FBXL13: variants seen among roughly 807,000 people sequenced by gnomAD.
FBXL13 encodes the protein F-box and leucine rich repeat protein 13.
FBXL13 carries 67 observed loss-of-function variants against 83.6 expected under a neutral mutation model. The observed-to-expected ratio is 0.80, with a 90% confidence interval of 0.66 to 0.98. The LOEUF (loss-of-function observed/expected upper bound fraction) is 0.98, where lower values mean the gene tolerates loss of function less well. Ranked by LOEUF, FBXL13 falls within the 50% of genes least tolerant of loss-of-function variation. The pLI, the probability that FBXL13 is intolerant of heterozygous loss-of-function variation, is 0.00. For missense variants in FBXL13, 822 were observed against 866.5 expected (o/e 0.95, Z 0.64); for synonymous variants, 272 against 299.5 (o/e 0.91, Z 0.95).
chr7:102,836,164 A>G (rs1450388934), intron 17 of FBXL13, among the ~76,000 whole-genome samples: 2 of 152,192 alleles, frequency 1.3e-5, no homozygotes, highest in African/African-American at 2.4e-5. Flanking sequence ...ATATTCTTTA[A>G]AGACAAATGT....
intron 16 of FBXL13, among the ~76,000 whole-genome samples, chr7:102,858,451 C>A (rs1213985876): frequency 6.6e-6 from 1 of 151,942 alleles, no homozygotes; most frequent in Admixed American, 6.6e-5. Context: ...GCTCACAACA[C>A]AAAGAAAATG....
chr7:103,024,829 ATGTG>A lies in FBXL13; in HGVS notation c.495+230_495+233del, dbSNP rs1202383471. Among the ~76,000 whole-genome samples, 13 of 128,044 alleles carry A rather than the reference ATGTG, an allele frequency of 1.0e-4. No homozygotes were observed. The East Asian group carries it at 1.4e-3, about 14-fold the overall frequency. The allele number at this position is 128,044 out of a possible 152,430, so 84.0% of individuals were successfully genotyped here. On this transcript the variant is annotated intron_variant, in intron 6 of 19. Transcript: ENST00000313221. The stretch of plus-strand genomic sequence containing the variant: ...TATACATACATATATATGTATATAT[ATGTG>A]TATATATATATATATATATATATAT...
At chr7:102,825,574 A>C (rs918154975) in intron 18 of FBXL13, among the ~76,000 whole-genome samples, 4 of 152,214 alleles carry the variant, frequency 2.6e-5, no homozygotes, top group African/African-American at 7.2e-5. Context: ...AAACGGACTA[A>C]GACAGGGTAT....
chr7:102,865,556 T>G (rs1283683088), intron 16 of FBXL13, among the ~76,000 whole-genome samples: 1 of 152,198 alleles, frequency 6.6e-6, no homozygotes, highest in Non-Finnish European at 1.5e-5. Context: ...TTTTTGTTTT[T>G]GTTTGAGACG....
intron 6 of FBXL13, among the ~76,000 whole-genome samples, chr7:103,008,357 C>A (rs987769968): frequency 5.9e-5 from 9 of 152,062 alleles, no homozygotes; most frequent in African/African-American, 1.9e-4. Flanking sequence ...ACTGAAGACA[C>A]CTGAATTGGG....
intron 6 of FBXL13, among the ~76,000 whole-genome samples, chr7:102,969,795 C>T (rs559920244): frequency 1.8e-4 from 20 of 110,248 alleles, no homozygotes; most frequent in African/African-American, 7.2e-4. Flanking sequence ...AAGACTCTGT[C>T]CAAAAAGGGG....
rs1563055096 is a variant in FBXL13 at position 102,893,956 on chromosome 7, AAGAAAG to A, written c.1009-9650_1009-9645del. Among the ~76,000 whole-genome samples, 547 of 94,118 alleles carry A rather than the reference AAGAAAG, an allele frequency of 5.8e-3. 5 individuals are homozygous for A. The highest frequency in any genetic ancestry group is 0.03 in the African/African-American group (540 of 18,090). The allele number at this position is 94,118 out of a possible 152,430, so 61.7% of individuals were successfully genotyped here. On this transcript the variant is annotated intron_variant, in intron 11 of 19. Transcript: ENST00000313221. ...ACAGAGAAAGAGAAAGAAAGAAAGA[AAGAAAG>A]AGAGAAAGAAAGAAAGAAAGAGGAA...
At chr7:103,039,643 T>C (rs151067697) in intron 2 of FBXL13, among the ~76,000 whole-genome samples, 1,671 of 152,222 alleles carry the variant, frequency 0.011, 35 homozygotes, top group African/African-American at 0.039. Flanking sequence ...GGAAACCTTA[T>C]AAGCCAGAAG....
intron 6 of FBXL13, among the ~76,000 whole-genome samples, chr7:103,005,769 AT>A (rs1790925467): frequency 6.6e-6 from 1 of 152,148 alleles, no homozygotes; most frequent in South Asian, 2.1e-4. Context: ...AATATAGTAC[AT>A]TGAGGACCAG....
chr7:102,856,179 A>G (rs1806025919), intron 16 of FBXL13, among the ~76,000 whole-genome samples: 1 of 152,224 alleles, frequency 6.6e-6, no homozygotes, highest in African/African-American at 2.4e-5. Context: ...TGCTAGGAAC[A>G]CATTATGTTT....
chr7:103,016,836 A>G (rs1792405109), intron 6 of FBXL13, among the ~76,000 whole-genome samples: 1 of 152,180 alleles, frequency 6.6e-6, no homozygotes, highest in Admixed American at 6.5e-5. Context: ...GGAAGCTCGA[A>G]CTGGGTAGAG....
At chr7:102,912,673 C>CA (rs1011068971) in intron 11 of FBXL13, among the ~76,000 whole-genome samples, 3 of 73,862 alleles carry the variant, frequency 4.1e-5, no homozygotes, top group African/African-American at 2.4e-4. Context: ...AGCATTTTAC[C>CA]CCCCCCCCCC....
At chr7:102,883,310 A>C in exon 14 of FBXL13, 1 of 1,611,128 alleles carries the variant, frequency 6.2e-7, no homozygotes. Context: ...ATTACCTTAC[A>C]CAATTTGCCA....
intron 6 of FBXL13, among the ~76,000 whole-genome samples, chr7:103,016,554 G>A (rs1792350883): frequency 6.6e-6 from 1 of 152,084 alleles, no homozygotes; most frequent in South Asian, 2.1e-4. Flanking sequence ...AGCATAAGGG[G>A]TCAGGGAATT....
chr7:102,815,266 A>G (rs554372261), intron 19 of FBXL13, among the ~76,000 whole-genome samples: 5 of 152,186 alleles, frequency 3.3e-5, no homozygotes, highest in Admixed American at 2.0e-4. Context: ...TTTCTATTAC[A>G]TAGCTTCAGG....
At chr7:103,015,614 T>G (rs1486507654) in intron 6 of FBXL13, among the ~76,000 whole-genome samples, 1 of 151,990 alleles carries the variant, frequency 6.6e-6, no homozygotes, top group Non-Finnish European at 1.5e-5. Flanking sequence ...CTGGCCAATA[T>G]AGCTAAACCC....
chr7:102,831,431 A>ACACACACACC (rs1033135095), intron 18 of FBXL13, among the ~76,000 whole-genome samples: 6 of 147,126 alleles, frequency 4.1e-5, no homozygotes, highest in African/African-American at 1.0e-4. Context: ...ACACACACAC[A>ACACACACACC]CCCCACTACA....
intron 16 of FBXL13, among the ~76,000 whole-genome samples, chr7:102,867,064 A>C (rs965424250): frequency 6.6e-6 from 1 of 152,182 alleles, no homozygotes; most frequent in East Asian, 1.9e-4. Context: ...AACTTAAGAG[A>C]TAAGCAAGGC....
rs1798885296 is a variant in FBXL13 at position 102,822,154 on chromosome 7, TGCAG to T, written c.1900_1903del (p.Leu634ThrfsTer21). 3.7e-6 allele frequency: 6 copies of T among 1,614,176 alleles called. No individual in the cohort carries two copies. The East Asian group carries it at 1.3e-4, about 36-fold the overall frequency. On this transcript the variant is annotated frameshift_variant, in exon 19 of 20. Transcript: ENST00000313221. LOFTEE classifies it high-confidence loss of function. ...GACACAACCAGAGATATCCAAAATG[TGCAG>T]GTAATGGCATTTTGCCGATAACATC...
Sources: gnomAD v4.1 joint callset for allele counts (sites outside exome capture counted in the v4.1 genomes callset) on GRCh38, gnomAD v4.1.1 for gene constraint, MANE v1.5 for transcripts, NCBI Gene and HGNC (gene_info 2026-07-23, HGNC 2026-07-21) for gene names.